PRKN: variants seen among roughly 807,000 people sequenced by gnomAD.
PRKN encodes the protein E3 ubiquitin-protein ligase parkin.
PRKN carries 56 observed loss-of-function variants against 59.5 expected under a neutral mutation model. The ratio of observed to expected loss-of-function variants is 0.94; its 90% CI spans 0.76 to 1.18. The LOEUF (loss-of-function observed/expected upper bound fraction) is 1.18. Ranked by LOEUF, PRKN falls within the 50% of genes most tolerant of loss-of-function variation. The pLI is 0.00. For synonymous variants in PRKN, 250 were observed against 222.1 expected (o/e 1.13, Z -1.12); for missense variants, 657 against 596.4 (o/e 1.10, Z -1.06).
At chr6:161,846,818 CCTAGT>C (rs1337630524) in intron 6 of PRKN, among the ~76,000 whole-genome samples, 1 of 152,100 alleles carries the variant, frequency 6.6e-6, no homozygotes, top group Non-Finnish European at 1.5e-5. Context: ...AGGAGGAAAA[CCTAGT>C]TTTTAATCTA....
At chr6:161,489,062 T>C (rs919647704) in intron 9 of PRKN, among the ~76,000 whole-genome samples, 26 of 152,112 alleles carry the variant, frequency 1.7e-4, no homozygotes, top group Non-Finnish European at 3.8e-4. Context: ...ACAATACTTT[T>C]TAAAAAGAGT....
chr6:162,480,226 C>T (rs185539714), intron 1 of PRKN, among the ~76,000 whole-genome samples: 81 of 152,218 alleles, frequency 5.3e-4, no homozygotes, highest in African/African-American at 1.3e-3. Flanking sequence ...ACCACGCACA[C>T]GAGGAACGCA....
chr6:161,730,201 T>C (rs1422530426), intron 7 of PRKN, among the ~76,000 whole-genome samples: 2 of 150,944 alleles, frequency 1.3e-5, no homozygotes, highest in South Asian at 4.2e-4. Context: ...TTGCATTCTT[T>C]CTGTGTTGCA....
chr6:161,567,585 G>A (rs576856683), intron 8 of PRKN, among the ~76,000 whole-genome samples: 5 of 152,160 alleles, frequency 3.3e-5, no homozygotes, highest in South Asian at 2.1e-4. Context: ...GTGTTTGCGC[G>A]TGTGTTTGCG....
intron 4 of PRKN, among the ~76,000 whole-genome samples, chr6:162,131,983 G>A (rs1781380715): frequency 1.3e-5 from 2 of 152,162 alleles, no homozygotes; most frequent in Admixed American, 1.3e-4. Flanking sequence ...GCCGACGTGT[G>A]GTGATGGTTA....
chr6:161,744,328 C>T (rs1306754342), intron 7 of PRKN, among the ~76,000 whole-genome samples: 1 of 151,960 alleles, frequency 6.6e-6, no homozygotes, highest in Admixed American at 6.5e-5. Flanking sequence ...TTAAGCCACA[C>T]GATGAATCAC....
chr6:162,430,708 G>C (rs2128163002), intron 2 of PRKN, among the ~76,000 whole-genome samples: 1 of 151,936 alleles, frequency 6.6e-6, no homozygotes, highest in African/African-American at 2.4e-5. Context: ...TTATACCAAG[G>C]GGCATGTAGT....
At chr6:162,363,889 G>A (rs562909267) in intron 2 of PRKN, among the ~76,000 whole-genome samples, 1 of 152,244 alleles carries the variant, frequency 6.6e-6, no homozygotes, top group African/African-American at 2.4e-5. Context: ...ATAAGGCAAG[G>A]TCTTCCCCTA....
intron 2 of PRKN, among the ~76,000 whole-genome samples, chr6:162,309,713 A>G (rs553389227): frequency 6.6e-6 from 1 of 152,218 alleles, no homozygotes; most frequent in Non-Finnish European, 1.5e-5. Flanking sequence ...ATTTTTTTTA[A>G]CTTTTAAGCT....
rs569896365 is a variant in PRKN at position 161,551,838 on chromosome 6, G to A, written c.934-2835C>T. Among the ~76,000 whole-genome samples the A allele has an allele frequency of 3.3e-5, 5 of 152,280 alleles. No homozygotes were observed. The highest frequency in any genetic ancestry group is 9.6e-5 in the African/African-American group (4 of 41,556). ...TGAAGGCAGGACTGAGACGAGAAGCGCAGATGGACAGTTTAAGCCAGAGAA... is the reference window on the plus strand; with the variant it reads ...TGAAGGCAGGACTGAGACGAGAAGCACAGATGGACAGTTTAAGCCAGAGAA... On this transcript the variant is annotated intron_variant, in intron 8 of 11. Transcript: ENST00000366898. This position sits in a 1 kb window ranked among gnomAD's most constrained non-coding sequence, Gnocchi z 5.2.
intron 7 of PRKN, among the ~76,000 whole-genome samples, chr6:161,580,405 T>C (rs1781290970): frequency 6.6e-6 from 1 of 152,142 alleles, no homozygotes; most frequent in Admixed American, 6.5e-5. Context: ...TATAAGCAAT[T>C]CCAGACAGTT....
rs200515588 is a variant in PRKN, at chr6:161,851,110, CT to C, written c.735-65203del. ...ATGCAACAATGTTGAGAGATGGGAC[CT>C]TTAAGAGGTGATTAGGTTATGAGGG... is the stretch of plus-strand genomic sequence containing the variant. On this transcript the variant is annotated intron_variant, in intron 6 of 11. Coordinates refer to ENST00000366898, the MANE Select transcript of PRKN (RefSeq NM_004562.3). Among the ~76,000 whole-genome samples the C allele has an allele frequency of 8.9e-3, 1,357 of 152,294 alleles. 16 individuals carry two copies. Among genetic ancestry groups the C allele is most frequent in the African/African-American group, 0.03 (1,257 of 41,560 alleles).
rs1358724125 is a variant in PRKN at position 161,473,298 on chromosome 6, A to G, written c.1083+75556T>C. The stretch of plus-strand genomic sequence containing the variant: ...AGAAATTGTGGAATATATTATATAC[A>G]TATATATTAGGGAGAGGGGAGCATT... On this transcript the variant is annotated intron_variant, in intron 9 of 11. Transcript: ENST00000366898. The surrounding 1 kb of genome is among the most constrained non-coding windows in gnomAD (Gnocchi z 4.1). Among the ~76,000 whole-genome samples the G allele has an allele frequency of 6.6e-6, 1 of 151,422 alleles. No homozygotes were observed. Among genetic ancestry groups the G allele is most frequent in the African/African-American group, 2.4e-5 (1 of 41,280 alleles).
Position 161,467,000 on chromosome 6 carries a change from T to C in PRKN, c.1084-80123A>G, listed in dbSNP as rs1404601419. On this transcript the variant is annotated intron_variant, in intron 9 of 11. Coordinates refer to ENST00000366898, the MANE Select transcript of PRKN (RefSeq NM_004562.3). This position sits in a 1 kb window ranked among gnomAD's most constrained non-coding sequence, Gnocchi z 5.0. ...GTTCCTGTCTAGATTCGCGTCCTTA[T>C]ATACAAGCCAACTTCTCTCTGCAGA... Among the ~76,000 whole-genome samples, 1 of 152,202 alleles carries C rather than the reference T, an allele frequency of 6.6e-6. No homozygotes were observed. The highest frequency in any genetic ancestry group is 1.5e-5 in the Non-Finnish European group (1 of 68,040).
chr6:161,680,769 A>ATTTT (rs1281842827), intron 7 of PRKN, among the ~76,000 whole-genome samples: 10 of 13,054 alleles, frequency 7.7e-4, no homozygotes, highest in South Asian at 3.4e-3. Flanking sequence ...ATATATATAT[A>ATTTT]TATATATTTT....
At chr6:162,498,236 G>A (rs143420765) in intron 1 of PRKN, among the ~76,000 whole-genome samples, 2 of 151,984 alleles carry the variant, frequency 1.3e-5, no homozygotes, top group Non-Finnish European at 2.9e-5. Flanking sequence ...CAAGTCTCCT[G>A]TACATCTTAT....
rs557665439 is a variant in PRKN at position 161,902,524 on chromosome 6, G to GTCTATCTATCTATCTATCTATCTA, written c.734+70754_734+70777dup. On this transcript the variant is annotated intron_variant, in intron 6 of 11. Transcript: ENST00000366898. ...GTGTGTGTAAATGTAATAGACATCC[G>GTCTATCTATCTATCTATCTATCTA]TCTATCTATCTATCTATCTATCTAT... 1.5e-3 allele frequency among the ~76,000 whole-genome samples: 205 copies of GTCTATCTATCTATCTATCTATCTA among 133,070 alleles called. 10 individuals are homozygous for GTCTATCTATCTATCTATCTATCTA. Among genetic ancestry groups the GTCTATCTATCTATCTATCTATCTA allele is most frequent in the Middle Eastern group, 8.1e-3 (2 of 248 alleles). 87.3% of individuals were successfully genotyped at this position (133,070 alleles called of 152,430 possible).
At chr6:162,407,659 G>T (rs532376629) in intron 2 of PRKN, among the ~76,000 whole-genome samples, 42 of 152,080 alleles carry the variant, frequency 2.8e-4, no homozygotes, top group Admixed American at 1.1e-3. Context: ...TCACCTGCTA[G>T]TCATAATTAA....
intron 6 of PRKN, among the ~76,000 whole-genome samples, chr6:161,832,565 A>T (rs986303630): frequency 3.4e-5 from 5 of 146,382 alleles, no homozygotes; most frequent in African/African-American, 1.3e-4. Flanking sequence ...CGGTGGTTGC[A>T]GTGAGGTGAG....
Sources: gnomAD v4.1 joint callset for allele counts (sites outside exome capture counted in the v4.1 genomes callset) on GRCh38, gnomAD v4.1.1 for gene constraint, Gnocchi (gnomAD v3.1) non-coding constraint, MANE v1.5 for transcripts, NCBI Gene and HGNC (gene_info 2026-07-23, HGNC 2026-07-21) for gene names.